The following PLPPR1 variants were observed in gnomAD, a reference collection of about 807,000 sequenced individuals.
The protein encoded by PLPPR1 is phospholipid phosphatase related 1.
PLPPR1 carries 10 observed loss-of-function variants against 33.1 expected under a neutral mutation model. That is an observed-to-expected ratio of 0.30 (90% CI 0.19 to 0.51). PLPPR1 has a LOEUF of 0.51. Ranked by LOEUF, PLPPR1 falls within the 20% of genes least tolerant of loss-of-function variation. PLPPR1 has a pLI of 0.97. For missense variants in PLPPR1, 304 were observed against 408.1 expected, an observed-to-expected ratio of 0.74 and a Z score of 2.20; for synonymous variants, 151 against 151.0, an observed-to-expected ratio of 1.00 and a Z score of 0.00.
intron 1 of PLPPR1, among the ~76,000 whole-genome samples, chr9:101,032,755 C>T (rs1276331167): frequency 6.6e-6 from 1 of 152,140 alleles, no homozygotes; most frequent in Non-Finnish European, 1.5e-5. Context: ...TAAAATGTGC[C>T]AAGGAGGCCA....
Position 101,256,368 on chromosome 9 carries a change from C to CGTAA in PLPPR1, c.64-13509_64-13506dup, listed in dbSNP as rs772120086. On this transcript the variant is annotated intron_variant, in intron 2 of 7. Transcript: ENST00000374874. ...CCCAGATAAGCCTTGAAGAAATATA[C>CGTAA]GTAAGTCTTTTAGAGATATAGATGG... 5.9e-5 allele frequency among the ~76,000 whole-genome samples: 9 copies of CGTAA among 152,078 alleles called. No homozygotes were observed. The East Asian group carries it at 1.2e-3, about 20-fold the overall frequency.
intron 3 of PLPPR1, among the ~76,000 whole-genome samples, chr9:101,274,740 T>A (rs1828157848): frequency 6.6e-6 from 1 of 152,086 alleles, no homozygotes; most frequent in South Asian, 2.1e-4. Flanking sequence ...TGAGTATGCA[T>A]CCTCCACTCT....
chr9:101,292,137 G>A (rs1331080318), intron 4 of PLPPR1, among the ~76,000 whole-genome samples: 1 of 152,202 alleles, frequency 6.6e-6, no homozygotes, highest in Non-Finnish European at 1.5e-5. Context: ...AGAACTACGT[G>A]AAGAATGCAG....
At chr9:101,317,896 G>A (rs1159487237) in intron 7 of PLPPR1, among the ~76,000 whole-genome samples, 1 of 152,200 alleles carries the variant, frequency 6.6e-6, no homozygotes, top group Non-Finnish European at 1.5e-5. Context: ...CATTTTAAAA[G>A]GCTACTAAAT....
chr9:101,061,045 C>T (rs1458114662), intron 1 of PLPPR1, among the ~76,000 whole-genome samples: 1 of 151,862 alleles, frequency 6.6e-6, no homozygotes, highest in Non-Finnish European at 1.5e-5. Context: ...ATCCAAAGGA[C>T]TGTGGAGGAA....
intron 2 of PLPPR1, among the ~76,000 whole-genome samples, chr9:101,243,736 C>T (rs1827527898): frequency 1.3e-5 from 2 of 151,846 alleles, no homozygotes; most frequent in African/African-American, 2.4e-5. Flanking sequence ...GTGTTTTGGG[C>T]TGGTACTCTA....
intron 1 of PLPPR1, among the ~76,000 whole-genome samples, chr9:101,106,100 C>G (rs1830965053): frequency 1.3e-5 from 2 of 151,438 alleles, no homozygotes; most frequent in South Asian, 2.1e-4. Flanking sequence ...GACTCTTTAT[C>G]CAACTTGCCA....
intron 1 of PLPPR1, among the ~76,000 whole-genome samples, chr9:101,177,898 G>C (rs1341611297): frequency 1.3e-5 from 2 of 151,956 alleles, no homozygotes; most frequent in African/African-American, 4.8e-5. Flanking sequence ...AATCTGGATT[G>C]GTATAATAAT....
intron 2 of PLPPR1, among the ~76,000 whole-genome samples, chr9:101,206,443 C>G (rs1184614552): frequency 1.3e-5 from 2 of 152,114 alleles, no homozygotes; most frequent in Non-Finnish European, 2.9e-5. Context: ...CCCTAGACTC[C>G]ATTTGTTCTA....
At chr9:101,032,562 C>A (rs148018427) in intron 1 of PLPPR1, among the ~76,000 whole-genome samples, 199 of 152,232 alleles carry the variant, frequency 1.3e-3, no homozygotes, top group African/African-American at 4.5e-3. Context: ...TTCACAGTGG[C>A]ATCACCAGCA....
At chr9:101,250,476 T>C (rs1354348657) in intron 2 of PLPPR1, among the ~76,000 whole-genome samples, 3 of 152,090 alleles carry the variant, frequency 2.0e-5, no homozygotes, top group African/African-American at 7.2e-5. Context: ...AATTTGGCTC[T>C]CCTTAATTAT....
chr9:101,056,973 C>T (rs960256437), intron 1 of PLPPR1, among the ~76,000 whole-genome samples: 1 of 152,130 alleles, frequency 6.6e-6, no homozygotes, highest in African/African-American at 2.4e-5. Flanking sequence ...CTACTCATTA[C>T]TCAACCCCCC....
rs201044247 is a variant in PLPPR1 at position 101,270,305 on chromosome 9, T to TAA, written c.252+241_252+242dup. 4.0e-5 allele frequency among the ~76,000 whole-genome samples: 6 copies of TAA among 150,992 alleles called. 1 individual carries two copies. In the South Asian group the frequency reaches 1.2e-3, roughly 31 times the overall value. Reference sequence around the variant, plus strand: ...TGAATTTTAAAAAGATGTTTTTTTTTAAAAAGCATGTGAGAATGTTATAAA... The same window carrying TAA: ...TGAATTTTAAAAAGATGTTTTTTTTTAAAAAAAGCATGTGAGAATGTTATAAA... On this transcript the variant is annotated intron_variant, in intron 3 of 7. Transcript: ENST00000374874.
intron 2 of PLPPR1, among the ~76,000 whole-genome samples, chr9:101,258,333 T>G (rs1827837809): frequency 6.6e-6 from 1 of 152,130 alleles, no homozygotes; most frequent in Non-Finnish European, 1.5e-5. Context: ...TATAACCAAT[T>G]GTGTTATAAC....
At chr9:101,138,720 T>G (rs958071048) in intron 1 of PLPPR1, among the ~76,000 whole-genome samples, 1 of 152,190 alleles carries the variant, frequency 6.6e-6, no homozygotes, top group African/African-American at 2.4e-5. Context: ...GATTTAATGC[T>G]CACAAAGTGC....
chr9:101,112,283 T>G (rs568104883), intron 1 of PLPPR1, among the ~76,000 whole-genome samples: 56 of 152,300 alleles, frequency 3.7e-4, no homozygotes, highest in African/African-American at 1.2e-3. Flanking sequence ...ATTTACATAA[T>G]AGGCAACAGG....
At chr9:101,246,673 C>T (rs1260825500) in intron 2 of PLPPR1, among the ~76,000 whole-genome samples, 1 of 151,974 alleles carries the variant, frequency 6.6e-6, no homozygotes, top group Admixed American at 6.6e-5. Context: ...ATATCTGGTG[C>T]CCATTGCCGT....
chr9:101,239,248 C>T (rs1827400366), intron 2 of PLPPR1, among the ~76,000 whole-genome samples: 1 of 151,864 alleles, frequency 6.6e-6, no homozygotes, highest in Non-Finnish European at 1.5e-5. Context: ...AGTGGGATGG[C>T]TGGATTGCAT....
intron 1 of PLPPR1, among the ~76,000 whole-genome samples, chr9:101,184,102 A>G (rs933183655): frequency 1.4e-4 from 21 of 151,794 alleles, no homozygotes; most frequent in African/African-American, 4.3e-4. Context: ...TGTTTTCTAC[A>G]TATAGATTCC....
Sources: allele counts gnomAD v4.1 joint callset (sites outside exome capture counted in the v4.1 genomes callset), GRCh38; gene constraint gnomAD v4.1.1; transcripts MANE v1.5; gene names NCBI Gene and HGNC (gene_info 2026-07-23, HGNC 2026-07-21).